Variants in SOX5 observed in about 807,000 individuals in gnomAD.
SOX5 encodes the protein SRY-box transcription factor 5.
In SOX5, 9 loss-of-function variants were observed where a neutral mutation model predicts 92.0. The ratio of observed to expected loss-of-function variants is 0.10; its 90% CI spans 0.06 to 0.17. SOX5 has a LOEUF of 0.17. SOX5 is among the 10% of genes least tolerant of loss of function. The pLI, the probability that SOX5 is intolerant of heterozygous loss-of-function variation, is 1.00. For missense variants in SOX5, 642 were observed against 944.5 expected, an observed-to-expected ratio of 0.68 and a Z score of 4.20; for synonymous variants, 344 against 336.3, an observed-to-expected ratio of 1.02 and a Z score of -0.25.
intron 3 of SOX5, among the ~76,000 whole-genome samples, chr12:24,252,064 A>G (rs2140165769): frequency 6.6e-6 from 1 of 152,266 alleles, no homozygotes; most frequent in South Asian, 2.1e-4. Context: ...TTTTGCCAAC[A>G]TTACCAAATG....
At chr12:24,455,889 A>G (rs1942961809) in intron 1 of SOX5, among the ~76,000 whole-genome samples, 2 of 152,186 alleles carry the variant, frequency 1.3e-5, no homozygotes, top group Non-Finnish European at 2.9e-5. Context: ...GTCTAGGAGT[A>G]GAGAGGCCCA....
At chr12:23,947,374 ATAGT>A (rs1944755957) in intron 1 of SOX5, among the ~76,000 whole-genome samples, 1 of 151,916 alleles carries the variant, frequency 6.6e-6, no homozygotes, top group African/African-American at 2.4e-5. Context: ...ATTATATGTG[ATAGT>A]TTAGTTACAT....
At chr12:24,214,144 T>C (rs1469381254) in intron 3 of SOX5, among the ~76,000 whole-genome samples, 1 of 152,048 alleles carries the variant, frequency 6.6e-6, no homozygotes, top group African/African-American at 2.4e-5. Context: ...CGGTGCTACA[T>C]TGTACTAGGA....
chr12:23,925,707 C>T (rs1463346302), intron 1 of SOX5, among the ~76,000 whole-genome samples: 3 of 151,986 alleles, frequency 2.0e-5, no homozygotes, highest in Non-Finnish European at 4.4e-5. Context: ...GTTCAAGATA[C>T]AATAACATTT....
chr12:24,000,562 G>A (rs1056247904), intron 4 of SOX5, among the ~76,000 whole-genome samples: 4 of 152,076 alleles, frequency 2.6e-5, no homozygotes, highest in Admixed American at 2.6e-4. Flanking sequence ...GTGTATTTCA[G>A]TGTTTGTGTA....
At position 23,896,573 on chromosome 12, in the gene SOX5, A is replaced by G. The variant is rs376848720; in HGVS notation, c.39-549T>C. On this transcript the variant is annotated intron_variant, in intron 1 of 14. Transcript: ENST00000451604. ...CCTCACAGCAACTGACAGAAAGTTT[A>G]ATATTTGTTTAAAGCTTATTAAGGA... Among the ~76,000 whole-genome samples, 7 of 152,278 alleles carry G rather than the reference A, an allele frequency of 4.6e-5. No homozygotes were observed. The East Asian group carries it at 7.7e-4, about 17-fold the overall frequency.
chr12:24,076,072 T>C (rs1458017940), intron 4 of SOX5, among the ~76,000 whole-genome samples: 2 of 152,192 alleles, frequency 1.3e-5, no homozygotes, highest in Non-Finnish European at 2.9e-5. Flanking sequence ...ATCCAGCCTG[T>C]AGAATGAGAG....
intron 5 of SOX5, among the ~76,000 whole-genome samples, chr12:23,738,023 C>A (rs1009414738): frequency 2.0e-5 from 3 of 152,182 alleles, no homozygotes; most frequent in African/African-American, 7.2e-5. Context: ...TCCTTCCCAA[C>A]TAGATTTCAG....
In SOX5 at chr12:24,404,329, C is replaced by T. The variant is rs149237051; in HGVS notation, c.-250-35690G>A. On this transcript the variant is annotated intron_variant, in intron 1 of 4. Coordinates refer to the SOX5 transcript ENST00000446891. ...TGCAAACCACAAGTCATATGAATAA[C>T]ACCACCAAACTCAAGTTGACACTAT... Among the ~76,000 whole-genome samples, 465 of 152,284 alleles carry T rather than the reference C, an allele frequency of 3.1e-3. 6 individuals are homozygous for T. Among genetic ancestry groups the T allele is most frequent in the Middle Eastern group, 0.01 (3 of 294 alleles).
At chr12:23,872,096 C>G (rs1407292740) in intron 2 of SOX5, among the ~76,000 whole-genome samples, 1 of 149,636 alleles carries the variant, frequency 6.7e-6, no homozygotes, top group Non-Finnish European at 1.5e-5. Flanking sequence ...CTCCCGGGTT[C>G]ACGCCATTCT....
chr12:24,185,293 T>C (rs779122790), intron 4 of SOX5, among the ~76,000 whole-genome samples: 2 of 152,102 alleles, frequency 1.3e-5, no homozygotes, highest in Non-Finnish European at 1.5e-5. Flanking sequence ...TAGATATCAC[T>C]TAACATGGCC....
intron 4 of SOX5, among the ~76,000 whole-genome samples, chr12:23,991,959 T>C (rs1037930471): frequency 6.6e-6 from 1 of 152,144 alleles, no homozygotes; most frequent in Admixed American, 6.6e-5. Flanking sequence ...AAAGAAGCAA[T>C]ATGAAATCTT....
chr12:24,192,986 A>G (rs1956672088), intron 4 of SOX5, among the ~76,000 whole-genome samples: 2 of 152,230 alleles, frequency 1.3e-5, no homozygotes, highest in South Asian at 4.1e-4. Flanking sequence ...GAGTAAATGT[A>G]TGGAACACAA....
chr12:24,178,639 A>T (rs1393303578), intron 4 of SOX5, among the ~76,000 whole-genome samples: 1 of 152,034 alleles, frequency 6.6e-6, no homozygotes, highest in Non-Finnish European at 1.5e-5. Flanking sequence ...TTGGTTAAAA[A>T]CCCTTGTGAA....
chr12:23,981,870 C>T (rs996619390), intron 4 of SOX5, among the ~76,000 whole-genome samples: 1 of 151,950 alleles, frequency 6.6e-6, no homozygotes, highest in African/African-American at 2.4e-5. Context: ...CAATGATCAC[C>T]AGAAAAATTA....
At chr12:23,940,233 A>G (rs1490896562) in intron 1 of SOX5, among the ~76,000 whole-genome samples, 1 of 151,202 alleles carries the variant, frequency 6.6e-6, no homozygotes, top group African/African-American at 2.4e-5. Flanking sequence ...TAGAATGTGA[A>G]TCTTATCTTT....
At chr12:24,010,397 C>T (rs1952778542) in intron 4 of SOX5, among the ~76,000 whole-genome samples, 1 of 152,102 alleles carries the variant, frequency 6.6e-6, no homozygotes, top group Admixed American at 6.6e-5. Flanking sequence ...AAGGAAGTAA[C>T]TAGCAATAAC....
chr12:24,386,049 T>A (rs1382526578), intron 1 of SOX5, among the ~76,000 whole-genome samples: 1 of 152,142 alleles, frequency 6.6e-6, no homozygotes, highest in Admixed American at 6.5e-5. Context: ...TTTGATAGGT[T>A]TTGGAAACTG....
At chr12:24,485,653 G>T (rs1946442992) in intron 1 of SOX5, among the ~76,000 whole-genome samples, 1 of 152,028 alleles carries the variant, frequency 6.6e-6, no homozygotes, top group Non-Finnish European at 1.5e-5. Context: ...ATAAATGTCT[G>T]GTATCTAATA....
Sources: gnomAD v4.1 joint callset for allele counts (sites outside exome capture counted in the v4.1 genomes callset) on GRCh38, gnomAD v4.1.1 for gene constraint, MANE v1.5 for transcripts, NCBI Gene and HGNC (gene_info 2026-07-23, HGNC 2026-07-21) for gene names.